TTC27: variants seen among roughly 807,000 people sequenced by gnomAD.
TTC27 encodes tetratricopeptide repeat domain 27.
Under a neutral mutation model 115.9 loss-of-function variants are expected in TTC27, and 79 were observed. That is an observed-to-expected ratio of 0.68 (90% confidence interval 0.57 to 0.82). TTC27 has a LOEUF of 0.82. Ranked by LOEUF, TTC27 falls within the 40% of genes least tolerant of loss-of-function variation. TTC27 has a pLI of 0.00. For missense variants in TTC27, 1,054 were observed against 993.1 expected (o/e 1.06, Z -0.82); for synonymous variants, 401 against 356.0 (o/e 1.13, Z -1.42).
chr2:32,700,570 G>T (rs1054966848), intron 9 of TTC27, among the ~76,000 whole-genome samples: 1 of 151,922 alleles, frequency 6.6e-6, no homozygotes, highest in South Asian at 2.1e-4. Context: ...ATAGTTTTGC[G>T]CTTGTTGCCT....
intron 13 of TTC27, among the ~76,000 whole-genome samples, chr2:32,774,183 C>CTT (rs35405720): frequency 0.022 from 3,010 of 139,786 alleles, 69 homozygotes; most frequent in Middle Eastern, 0.037. Context: ...CTTCCTTTTA[C>CTT]TTTTTTTTTT....
intron 13 of TTC27, among the ~76,000 whole-genome samples, chr2:32,771,098 C>T (rs1021655874): frequency 6.6e-6 from 1 of 152,142 alleles, no homozygotes; most frequent in Non-Finnish European, 1.5e-5. Context: ...AGCTTTGCTA[C>T]CATAGACCTG....
At chr2:32,815,515 C>A (rs1323765736) in intron 18 of TTC27, among the ~76,000 whole-genome samples, 1 of 152,060 alleles carries the variant, frequency 6.6e-6, no homozygotes, top group East Asian at 1.9e-4. Flanking sequence ...GGCAGATTTT[C>A]TGATGATTTG....
intron 10 of TTC27, among the ~76,000 whole-genome samples, chr2:32,710,840 G>A (rs1377322642): frequency 6.6e-6 from 1 of 152,008 alleles, no homozygotes; most frequent in Non-Finnish European, 1.5e-5. Flanking sequence ...AAGGCTGGGA[G>A]CAGTTGCTCA....
chr2:32,811,281 A>G (rs1671308964), intron 17 of TTC27, 60 bp downstream of exon 17: 5 of 1,489,328 alleles, frequency 3.4e-6, no homozygotes, highest in African/African-American at 1.4e-5. Flanking sequence ...TAGTAGATCT[A>G]CTTTTTTGAT....
At chr2:32,662,228 C>CT (rs1257635553) in intron 5 of TTC27, among the ~76,000 whole-genome samples, 11 of 151,826 alleles carry the variant, frequency 7.2e-5, no homozygotes, top group Admixed American at 2.6e-4. Context: ...CTGAAATTTT[C>CT]TTTTTTTTGT....
intron 16 of TTC27, among the ~76,000 whole-genome samples, chr2:32,801,151 T>G (rs149204580): frequency 1.3e-3 from 204 of 152,334 alleles, no homozygotes; most frequent in African/African-American, 2.6e-3. Flanking sequence ...GAAGAGTTTT[T>G]CTCAGTGTTT....
At chr2:32,771,773 A>G (rs981982936) in intron 13 of TTC27, among the ~76,000 whole-genome samples, 18 of 152,204 alleles carry the variant, frequency 1.2e-4, no homozygotes, top group African/African-American at 4.1e-4. Context: ...ATCAGACACC[A>G]TTGATGTCAC....
chr2:32,791,648 A>G (rs967793029), intron 16 of TTC27, among the ~76,000 whole-genome samples: 2 of 152,106 alleles, frequency 1.3e-5, no homozygotes, highest in Non-Finnish European at 2.9e-5. Context: ...TCAAAAGCAC[A>G]TTTTCCCATC....
chr2:32,728,037 CTTTTTTTTTTTT>C (rs564322443), intron 10 of TTC27, among the ~76,000 whole-genome samples: 3 of 105,326 alleles, frequency 2.8e-5, no homozygotes, highest in South Asian at 3.2e-4. Context: ...AGGACTGCCT[CTTTTTTTTTTTT>C]TTTTTTTTTT....
chr2:32,765,324 T>A (rs1669588641), intron 13 of TTC27, among the ~76,000 whole-genome samples: 1 of 152,018 alleles, frequency 6.6e-6, no homozygotes, highest in Non-Finnish European at 1.5e-5. Flanking sequence ...GACGAGGTGC[T>A]ATGTCAATGA....
intron 13 of TTC27, among the ~76,000 whole-genome samples, chr2:32,765,573 A>G (rs182379475): frequency 4.6e-5 from 7 of 152,296 alleles, no homozygotes; most frequent in Admixed American, 3.9e-4. Flanking sequence ...TTAGCCCCTA[A>G]TAGGAGAGTC....
intron 5 of TTC27, among the ~76,000 whole-genome samples, chr2:32,652,564 A>G (rs772770024): frequency 6.6e-6 from 1 of 152,126 alleles, no homozygotes; most frequent in Non-Finnish European, 1.5e-5. Context: ...ATATTTCAGC[A>G]TGTCATTTGC....
At chr2:32,674,382 C>G (rs1272901602) in intron 8 of TTC27, among the ~76,000 whole-genome samples, 1 of 152,058 alleles carries the variant, frequency 6.6e-6, no homozygotes, top group Non-Finnish European at 1.5e-5. Flanking sequence ...AACTCCTGAC[C>G]TCAGGTGATC....
chr2:32,784,376 C>G (rs1670281344), intron 15 of TTC27, among the ~76,000 whole-genome samples: 1 of 152,124 alleles, frequency 6.6e-6, no homozygotes, highest in Admixed American at 6.5e-5. Context: ...TGCTAAGGTT[C>G]TAGACAAAGC....
intron 10 of TTC27, among the ~76,000 whole-genome samples, chr2:32,704,155 A>T: frequency 6.6e-6 from 1 of 152,164 alleles, no homozygotes; most frequent in Admixed American, 6.5e-5. Context: ...TGGAGGACAC[A>T]TTCGGACTAT....
intron 1 of TTC27, 24 bp from the exon 2 acceptor site, chr2:32,630,498 AC>A: frequency 3.2e-6 from 5 of 1,557,932 alleles, no homozygotes; most frequent in Non-Finnish European, 4.3e-6. Context: ...TTTTTGGATT[AC>A]CGCACTAATT....
At chr2:32,654,583 T>G (rs1390792850) in intron 5 of TTC27, among the ~76,000 whole-genome samples, 1 of 152,044 alleles carries the variant, frequency 6.6e-6, no homozygotes, top group Admixed American at 6.6e-5. Context: ...CGTGCTGGAG[T>G]GCAGTGATGC....
intron 10 of TTC27, among the ~76,000 whole-genome samples, chr2:32,704,046 C>G (rs1206062401): frequency 6.6e-6 from 1 of 152,138 alleles, no homozygotes; most frequent in African/African-American, 2.4e-5. Context: ...GGGCCAAAGT[C>G]CTGCTTATGA....
Sources: gnomAD v4.1 joint callset for allele counts (sites outside exome capture counted in the v4.1 genomes callset) on GRCh38, gnomAD v4.1.1 for gene constraint, MANE v1.5 for transcripts, NCBI Gene and HGNC (gene_info 2026-07-23, HGNC 2026-07-21) for gene names.